Variants in TOR1AIP1 observed in about 807,000 individuals in gnomAD.
TOR1AIP1 encodes the protein torsin-1A-interacting protein 1.
TOR1AIP1 carries 54 observed loss-of-function variants against 63.3 expected under a neutral mutation model. The ratio of observed to expected loss-of-function variants is 0.85; its 90% CI spans 0.69 to 1.07. TOR1AIP1 has a LOEUF of 1.07. Ranked by LOEUF, TOR1AIP1 falls within the 50% of genes least tolerant of loss-of-function variation. The probability of loss-of-function intolerance (pLI) is 0.00; values close to 1 mark genes in which losing one functional copy is unlikely to be tolerated. For missense variants in TOR1AIP1, 736 were observed against 715.0 expected (o/e 1.03, Z -0.33); for synonymous variants, 294 against 273.5 (o/e 1.07, Z -0.74).
At chr1:179,887,411 A>T (rs1431129772) in intron 2 of TOR1AIP1, among the ~76,000 whole-genome samples, 5 of 151,882 alleles carry the variant, frequency 3.3e-5, no homozygotes, top group African/African-American at 1.2e-4. Flanking sequence ...AAAAAAAAAT[A>T]CCTAAACCAA....
At chr1:179,909,016 A>G (rs1283388091) in intron 8 of TOR1AIP1, among the ~76,000 whole-genome samples, 1 of 152,130 alleles carries the variant, frequency 6.6e-6, no homozygotes, top group African/African-American at 2.4e-5. Flanking sequence ...ATATTTAAAA[A>G]AGAAAAATTA....
At position 179,882,893 on chromosome 1, in the gene TOR1AIP1, C is replaced by G. The variant is rs920103194; in HGVS notation, c.391C>G (p.Gln131Glu). The G allele has an allele frequency of 6.2e-7, 1 of 1,614,148 alleles. No individual in the cohort carries two copies. The highest frequency in any genetic ancestry group is 8.5e-7 in the Non-Finnish European group (1 of 1,180,040). The change falls in exon 1 of 10, where the codon CAG (glutamine) becomes GAG (glutamate). Residue 131 changes from glutamine to glutamate, a missense_variant. Around this residue, in one of 2 missense-constraint regions of TOR1AIP1, gnomAD observed 464 missense variants for 371.0 expected, o/e 1.25. Coordinates refer to ENST00000606911, the MANE Select transcript of TOR1AIP1 (RefSeq NM_015602.4). ...GAAGACGCGAAGGACTACCCGCCTT[C>G]AGCAGCAGCACTCAGAGCAGCCTCC... ...EMKTRRTTRL[Q>E]QQHSEQPPLQ...
At chr1:179,916,298 A>G (rs599185) in intron 9 of TOR1AIP1, among the ~76,000 whole-genome samples, 88,160 of 151,974 alleles carry the variant, frequency 0.58, 26,409 homozygotes, top group East Asian at 0.76. Flanking sequence ...GTCAAATAAC[A>G]TCTTAGTGTT....
intron 3 of TOR1AIP1, among the ~76,000 whole-genome samples, chr1:179,898,608 C>T (rs1452463614): frequency 2.0e-5 from 3 of 152,146 alleles, no homozygotes; most frequent in East Asian, 1.9e-4. Flanking sequence ...GCCTGTATTA[C>T]AGTCTCAGTA....
At chr1:179,908,769 G>A in intron 8 of TOR1AIP1, 96 bp downstream of exon 8, 1 of 1,053,654 alleles carries the variant, frequency 9.5e-7, no homozygotes, top group Non-Finnish European at 1.4e-6. Flanking sequence ...CATTTAGGTT[G>A]TTTGTGATTT....
chr1:179,891,897 T>C (rs1648093133), intron 3 of TOR1AIP1, among the ~76,000 whole-genome samples: 1 of 152,172 alleles, frequency 6.6e-6, no homozygotes, highest in African/African-American at 2.4e-5. Context: ...ATTCGATACG[T>C]TGTTCACGGC....
chr1:179,886,940 C>G (rs1267072217), intron 2 of TOR1AIP1, among the ~76,000 whole-genome samples: 1 of 152,172 alleles, frequency 6.6e-6, no homozygotes, highest in Non-Finnish European at 1.5e-5. Context: ...TGGAGTCACT[C>G]TTTGATGGAG....
Position 179,882,809 on chromosome 1 carries a change from G to A in TOR1AIP1, c.307G>A (p.Ala103Thr), listed in dbSNP as rs1466360635. 1.2e-6 allele frequency: 2 copies of A among 1,614,202 alleles called. No homozygotes were observed. The highest frequency in any genetic ancestry group is 1.7e-6 in the Non-Finnish European group (2 of 1,180,044). ...TGCGAAAGAGGAAGTGAGAGAAAGC[G>A]CGTACTACCTTCGGTCTAGGCAGCG... ...DSAKEEVRES[A>T]YYLRSRQRRQ... The change falls in exon 1 of 10, where the codon GCG becomes ACG. Residue 103 changes from alanine to threonine, a missense_variant. Physicochemically the swap from Ala to Thr is moderately conservative, Grantham distance 58. Transcript: ENST00000606911.
At chr1:179,890,254 C>T (rs753819076) in intron 3 of TOR1AIP1, among the ~76,000 whole-genome samples, 4 of 152,156 alleles carry the variant, frequency 2.6e-5, no homozygotes, top group Admixed American at 6.6e-5. Flanking sequence ...CTAGTAAAGA[C>T]ACTCCAAGCA....
chr1:179,907,650 GT>G (rs1330927796), intron 6 of TOR1AIP1, among the ~76,000 whole-genome samples, 172 bp from the exon 7 acceptor site: 1 of 141,766 alleles, frequency 7.1e-6, no homozygotes, highest in African/African-American at 2.6e-5. Flanking sequence ...GTATATGTAT[GT>G]TTTTTATATA....
chr1:179,894,240 G>C (rs1336906697), intron 3 of TOR1AIP1, among the ~76,000 whole-genome samples: 2 of 145,948 alleles, frequency 1.4e-5, no homozygotes, highest in African/African-American at 2.5e-5. Context: ...GACAGAGCGA[G>C]ACTCTGTCTC....
chr1:179,898,864 G>T (rs761110754), intron 3 of TOR1AIP1, among the ~76,000 whole-genome samples: 1 of 151,306 alleles, frequency 6.6e-6, no homozygotes, highest in African/African-American at 2.4e-5. Flanking sequence ...AGCTCTTTAA[G>T]AGTAACATGG....
chr1:179,909,749 G>C (rs72708662), intron 8 of TOR1AIP1, among the ~76,000 whole-genome samples: 18,968 of 151,388 alleles, frequency 0.13, 1,228 homozygotes, highest in Middle Eastern at 0.2. Flanking sequence ...CTGGGTTTTT[G>C]GGGGTGTTTT....
chr1:179,896,192 T>C (rs1320505847), intron 3 of TOR1AIP1, among the ~76,000 whole-genome samples: 2 of 152,224 alleles, frequency 1.3e-5, no homozygotes, highest in Admixed American at 6.5e-5. Flanking sequence ...ACGTTAATCA[T>C]AGTATGAGAA....
intron 3 of TOR1AIP1, among the ~76,000 whole-genome samples, chr1:179,895,071 A>G (rs181436622): frequency 6.0e-4 from 91 of 152,344 alleles, no homozygotes; most frequent in Non-Finnish European, 9.0e-4. Flanking sequence ...TAAGTGATCT[A>G]TCTTAAACAT....
At chr1:179,901,049 A>G (rs1276918270) in intron 4 of TOR1AIP1, among the ~76,000 whole-genome samples, 1 of 152,182 alleles carries the variant, frequency 6.6e-6, no homozygotes, top group Non-Finnish European at 1.5e-5. Context: ...AAAGCCTTAT[A>G]GTTTTTTAGA....
chr1:179,917,324 C>A, intron 9 of TOR1AIP1, 128 bp from the exon 10 acceptor site: 1 of 785,352 alleles, frequency 1.3e-6, no homozygotes, highest in Non-Finnish European at 2.0e-6. Flanking sequence ...AAATTATCAG[C>A]TTTCTTCTTT....
At position 179,918,117 on chromosome 1, in the gene TOR1AIP1, A is replaced by G. The variant is rs1321182764; in HGVS notation, c.1630A>G (p.Asn544Asp). The change falls in exon 10 of 10, where the codon AAC (asparagine) becomes GAC (aspartate). Residue 544 changes from asparagine to aspartate, a missense_variant. Asn to Asp is a conservative substitution (Grantham distance 23). Transcript: ENST00000606911. ...TCTTAAAGTCAAGTTCACCAATTCT[A>G]ACACACCCAACTCCTACAATCATAT... ...DFLKVKFTNSNTPNSYNHMDP... is the reference protein window; with the variant it reads ...DFLKVKFTNSDTPNSYNHMDP... 1 of 1,614,084 alleles carries G rather than the reference A, an allele frequency of 6.2e-7. No individual in the cohort carries two copies. The highest frequency in any genetic ancestry group is 8.5e-7 in the Non-Finnish European group (1 of 1,180,050).
Position 179,917,608 on chromosome 1 carries a change from A to C in TOR1AIP1, c.1121A>C (p.Gln374Pro), listed in dbSNP as rs1365138221. 6.2e-7 allele frequency: 1 copy of C among 1,614,214 alleles called. No homozygotes were observed. Among genetic ancestry groups the C allele is most frequent in the Non-Finnish European group, 8.5e-7 (1 of 1,180,046 alleles). Residue 374 changes from glutamine to proline, a missense_variant, in exon 10 of 10, where the codon CAA becomes CCA. Coordinates refer to ENST00000606911, the MANE Select transcript of TOR1AIP1 (RefSeq NM_015602.4). ...CAAGAGTTCCAGAACCAGATGAATC[A>C]ACTTAAGAATAAGTACCAAGGTCAA... ...AVQEFQNQMN[Q>P]LKNKYQGQDE... is the part of the protein sequence containing the mutation.
Sources: allele counts gnomAD v4.1 joint callset (sites outside exome capture counted in the v4.1 genomes callset), GRCh38; gene constraint gnomAD v4.1.1; regional missense constraint gnomAD v4.1.1; transcripts MANE v1.5; gene names NCBI Gene and HGNC (gene_info 2026-07-23, HGNC 2026-07-21).